Variants in PDE1C observed in about 807,000 individuals in gnomAD.
PDE1C encodes the protein phosphodiesterase 1C, also known as dual specificity calcium/calmodulin-dependent 3',5'-cyclic nucleotide phosphodiesterase 1C.
A neutral mutation model predicts 93.1 loss-of-function variants in PDE1C; 62 were observed. That is an observed-to-expected ratio of 0.67 (90% CI 0.54 to 0.82). The LOEUF is 0.82. Among genes scored for constraint, PDE1C ranks in the 40% least tolerant of loss-of-function variants. The pLI is 0.00. For synonymous variants in PDE1C, 325 were observed against 310.1 expected (o/e 1.05, Z -0.50); for missense variants, 742 against 884.6 (o/e 0.84, Z 2.04).
At chr7:32,389,436 C>T (rs916579901) in intron 1 of PDE1C, among the ~76,000 whole-genome samples, 2 of 152,168 alleles carry the variant, frequency 1.3e-5, no homozygotes, top group Admixed American at 6.5e-5. Flanking sequence ...AGGCTGGTTT[C>T]GAACTCCTGA....
intron 1 of PDE1C, among the ~76,000 whole-genome samples, chr7:32,247,792 G>A (rs1809075952): frequency 6.6e-6 from 1 of 152,160 alleles, no homozygotes; most frequent in South Asian, 2.1e-4. Context: ...GCCAGGCTAT[G>A]ATGTTGAGCA....
the PDE1C span, among the ~76,000 whole-genome samples, chr7:31,667,498 T>C: frequency 6.6e-6 from 1 of 152,166 alleles, no homozygotes; most frequent in Non-Finnish European, 1.5e-5. Flanking sequence ...ATTCACTAAA[T>C]AGCTATTGAC....
intron 2 of PDE1C, among the ~76,000 whole-genome samples, chr7:32,007,072 T>C (rs1015410754): frequency 6.6e-6 from 1 of 152,222 alleles, no homozygotes; most frequent in Non-Finnish European, 1.5e-5. Context: ...TTTAAGTACA[T>C]GCACCATGAC....
chr7:32,061,902 ATTCTC>A (rs2128711183), intron 1 of PDE1C, among the ~76,000 whole-genome samples: 1 of 152,316 alleles, frequency 6.6e-6, no homozygotes, highest in Non-Finnish European at 1.5e-5. Flanking sequence ...ACTAAACTGT[ATTCTC>A]TACTTACAAA....
intron 1 of PDE1C, among the ~76,000 whole-genome samples, chr7:32,285,765 G>C (rs1585079299): frequency 7.3e-6 from 1 of 136,286 alleles, no homozygotes; most frequent in African/African-American, 2.7e-5. Flanking sequence ...AGAGGGGGGA[G>C]AGAGGAAGGG....
rs532154785 is a variant in PDE1C at position 32,047,055 on chromosome 7, G to A, written c.128+4499C>T. ...GGGGTGTGTGTGTGTGTGTGTGTGC[G>A]AGACAGAGTGTGTGTGTGTGTGTGT... On this transcript the variant is annotated intron_variant, in intron 2 of 17. Transcript: ENST00000396191. Among the ~76,000 whole-genome samples the A allele has an allele frequency of 4.0e-4, 41 of 102,178 alleles. 1 individual carries two copies. The South Asian group carries it at 0.014, about 34-fold the overall frequency. 67.0% of individuals were successfully genotyped at this position (102,178 alleles called of 152,430 possible).
chr7:31,964,743 C>G (rs576988273), intron 2 of PDE1C, among the ~76,000 whole-genome samples: 49 of 152,300 alleles, frequency 3.2e-4, no homozygotes, highest in African/African-American at 1.1e-3. Flanking sequence ...CGGCCAGGTA[C>G]TCCTCTGAGA....
At chr7:31,642,286 TGCTCATC>T in the PDE1C span, 2 of 1,452,046 alleles carry the variant, frequency 1.4e-6, no homozygotes, top group Non-Finnish European at 1.9e-6. Context: ...AGGGCCCTGT[TGCTCATC>T]CCTAACATCC....
At chr7:31,643,716 C>A in the PDE1C span, 13 of 1,614,040 alleles carry the variant, frequency 8.1e-6, no homozygotes, top group East Asian at 2.9e-4. Context: ...TCACCAAATC[C>A]GTCTCTCTAG....
At chr7:32,350,576 ATATATATATATATATT>A (rs1188139855) in intron 1 of PDE1C, among the ~76,000 whole-genome samples, 47 of 874 alleles carry the variant, frequency 0.054, 19 homozygotes, top group East Asian at 0.5. Context: ...ATATATATAT[ATATATATATATATATT>A]TTTTTTTTTT....
chr7:32,070,748 C>T (rs1360113021), upstream of PDE1C: 26 of 1,079,468 alleles, frequency 2.4e-5, no homozygotes, highest in Non-Finnish European at 2.9e-5. Context: ...CCAAACAAAG[C>T]CACAGAAGCG....
intron 3 of PDE1C, among the ~76,000 whole-genome samples, chr7:32,076,754 A>G (rs891609785): frequency 1.3e-5 from 2 of 152,002 alleles, no homozygotes; most frequent in Non-Finnish European, 2.9e-5. Context: ...GGGTCCATTG[A>G]GCCCCCTGAT....
At chr7:32,051,711 GT>G in intron 1 of PDE1C, 131 bp from the exon 2 acceptor site, 1 of 724,140 alleles carries the variant, frequency 1.4e-6, no homozygotes, top group Non-Finnish European at 2.4e-6. Flanking sequence ...AAGCTTATGG[GT>G]TTCAAAGCTT....
At chr7:32,085,134 G>A (rs975405228) in intron 3 of PDE1C, among the ~76,000 whole-genome samples, 2 of 150,636 alleles carry the variant, frequency 1.3e-5, no homozygotes, top group South Asian at 4.3e-4. Flanking sequence ...AAAGAGAGAA[G>A]AATCAAATAG....
intron 2 of PDE1C, among the ~76,000 whole-genome samples, chr7:32,182,204 C>G (rs1258463737): frequency 6.6e-6 from 1 of 152,264 alleles, no homozygotes; most frequent in Admixed American, 6.5e-5. Context: ...GATTCACAGC[C>G]GAATTCTACC....
chr7:32,068,573 G>A (rs1477469735), intron 1 of PDE1C, among the ~76,000 whole-genome samples: 1 of 152,180 alleles, frequency 6.6e-6, no homozygotes, highest in Non-Finnish European at 1.5e-5. Flanking sequence ...AAATGAAAAT[G>A]TAGTTACATT....
chr7:32,287,896 C>T (rs1163919813), intron 1 of PDE1C, among the ~76,000 whole-genome samples: 1 of 152,142 alleles, frequency 6.6e-6, no homozygotes, highest in South Asian at 2.1e-4. Flanking sequence ...GTTCAGATGC[C>T]CAAGCTTTCA....
At chr7:32,256,700 A>T (rs190087731) in intron 1 of PDE1C, among the ~76,000 whole-genome samples, 166 of 152,326 alleles carry the variant, frequency 1.1e-3, no homozygotes, top group South Asian at 2.3e-3. Context: ...ATAGAGAGTA[A>T]TGTGGCCTTG....
At chr7:31,976,234 C>T (rs1356786382) in intron 2 of PDE1C, among the ~76,000 whole-genome samples, 2 of 152,074 alleles carry the variant, frequency 1.3e-5, no homozygotes, top group Non-Finnish European at 2.9e-5. Context: ...GTTTGCAATC[C>T]AATGTGGGTA....
Sources: gnomAD v4.1 joint callset for allele counts (sites outside exome capture counted in the v4.1 genomes callset) on GRCh38, gnomAD v4.1.1 for gene constraint, MANE v1.5 for transcripts, NCBI Gene and HGNC (gene_info 2026-07-23, HGNC 2026-07-21) for gene names.